FRMD3: variants seen among roughly 807,000 people sequenced by gnomAD.
The protein encoded by FRMD3 is FERM domain containing 3, also known as FERM domain-containing protein 3.
FRMD3 carries 33 observed loss-of-function variants against 70.2 expected under a neutral mutation model. The ratio of observed to expected loss-of-function variants is 0.47; its 90% CI spans 0.36 to 0.63. FRMD3 has a LOEUF of 0.63. Ranked by LOEUF, FRMD3 falls within the 20% of genes least tolerant of loss-of-function variation. The probability of loss-of-function intolerance (pLI) is 0.00; values close to 1 mark genes in which losing one functional copy is unlikely to be tolerated. For missense variants in FRMD3, 632 were observed against 711.4 expected (o/e 0.89, Z 1.27); for synonymous variants, 279 against 255.9 (o/e 1.09, Z -0.86).
intron 13 of FRMD3, among the ~76,000 whole-genome samples, chr9:83,256,760 A>G (rs1329249934): frequency 6.6e-6 from 1 of 152,240 alleles, no homozygotes; most frequent in African/African-American, 2.4e-5. Context: ...CATATGAAAA[A>G]AAAAGCTCAA....
At chr9:83,249,873 A>G (rs1245449711) in intron 13 of FRMD3, among the ~76,000 whole-genome samples, 2 of 152,202 alleles carry the variant, frequency 1.3e-5, no homozygotes, top group Non-Finnish European at 2.9e-5. Flanking sequence ...GGTTCTGGCC[A>G]TTGTGAGAAA....
intron 1 of FRMD3, among the ~76,000 whole-genome samples, chr9:83,509,783 G>A (rs1023550493): frequency 1.1e-4 from 17 of 150,248 alleles, no homozygotes; most frequent in Non-Finnish European, 7.4e-5. Flanking sequence ...ACGCACACGC[G>A]CGCGCACACA....
intron 3 of FRMD3, among the ~76,000 whole-genome samples, chr9:83,359,806 G>T (rs1386436134): frequency 1.3e-5 from 2 of 152,148 alleles, no homozygotes; most frequent in Non-Finnish European, 2.9e-5. Flanking sequence ...CCACAATGAG[G>T]ATGACATGAG....
At chr9:83,264,927 G>T (rs970830703) in intron 13 of FRMD3, among the ~76,000 whole-genome samples, 2 of 151,912 alleles carry the variant, frequency 1.3e-5, no homozygotes, top group East Asian at 3.9e-4. Context: ...AATTTTGAAG[G>T]TCATAAGCAG....
At chr9:83,394,515 T>C (rs909635374) in intron 1 of FRMD3, among the ~76,000 whole-genome samples, 1 of 152,202 alleles carries the variant, frequency 6.6e-6, no homozygotes, top group African/African-American at 2.4e-5. Context: ...AGACAATGTT[T>C]GTAAATATCT....
intron 10 of FRMD3, among the ~76,000 whole-genome samples, chr9:83,306,143 T>C (rs777819806): frequency 6.6e-6 from 1 of 152,190 alleles, no homozygotes; most frequent in African/African-American, 2.4e-5. Flanking sequence ...AGCAAATGAA[T>C]GTCTCCAAGT....
intron 6 of FRMD3, among the ~76,000 whole-genome samples, chr9:83,328,927 T>C (rs1007248981): frequency 2.0e-5 from 3 of 152,242 alleles, no homozygotes; most frequent in Non-Finnish European, 1.5e-5. Context: ...GAATCACATG[T>C]GAGATATAAT....
At chr9:83,576,558 CCA>C in the FRMD3 span, among the ~76,000 whole-genome samples, 1 of 151,916 alleles carries the variant, frequency 6.6e-6, no homozygotes, top group Admixed American at 6.6e-5. Context: ...AGCCTACTAC[CCA>C]CGAGTTATTT....
intron 10 of FRMD3, among the ~76,000 whole-genome samples, chr9:83,307,980 C>G (rs1835203106): frequency 6.6e-6 from 1 of 152,208 alleles, no homozygotes. Context: ...CCTTCCTTAT[C>G]AGTCCCCAAA....
chr9:83,359,262 G>A (rs1038527065), intron 3 of FRMD3, among the ~76,000 whole-genome samples: 3 of 152,188 alleles, frequency 2.0e-5, no homozygotes, highest in African/African-American at 7.2e-5. Context: ...TCTCTTAAGG[G>A]AGATTGGAAT....
intron 1 of FRMD3, among the ~76,000 whole-genome samples, chr9:83,501,395 T>C (rs1333894932): frequency 1.3e-5 from 2 of 152,172 alleles, no homozygotes; most frequent in East Asian, 3.9e-4. Context: ...ACTCCTTATA[T>C]ACATATAAGG....
At chr9:83,324,964 TGCCATGGCACA>T (rs1835953435) in intron 6 of FRMD3, among the ~76,000 whole-genome samples, 1 of 152,216 alleles carries the variant, frequency 6.6e-6, no homozygotes, top group Admixed American at 6.5e-5. Context: ...CTCTCCTGCG[TGCCATGGCACA>T]GCATTTCAAA....
At chr9:83,341,076 A>C (rs1211565796) in intron 5 of FRMD3, among the ~76,000 whole-genome samples, 1 of 151,964 alleles carries the variant, frequency 6.6e-6, no homozygotes, top group Non-Finnish European at 1.5e-5. Context: ...CTTCCCTATT[A>C]CTCTGTAAGA....
chr9:83,467,892 A>G (rs965347186), intron 1 of FRMD3: 32 of 979,808 alleles, frequency 3.3e-5, no homozygotes, highest in Non-Finnish European at 4.3e-5. Flanking sequence ...TTAATTGTTC[A>G]AGAACCTGCT....
At chr9:83,453,232 C>G (rs1321034402) in intron 1 of FRMD3, among the ~76,000 whole-genome samples, 1 of 152,128 alleles carries the variant, frequency 6.6e-6, no homozygotes, top group Non-Finnish European at 1.5e-5. Flanking sequence ...CTGAAACACT[C>G]ATTCAAAAAA....
intron 6 of FRMD3, among the ~76,000 whole-genome samples, chr9:83,328,982 T>C (rs1428982681): frequency 3.3e-5 from 5 of 152,210 alleles, no homozygotes; most frequent in Non-Finnish European, 5.9e-5. Flanking sequence ...TTCAATAATA[T>C]AACCCTCTCT....
chr9:83,325,287 A>G (rs10780591), intron 6 of FRMD3, among the ~76,000 whole-genome samples: 68,530 of 151,972 alleles, frequency 0.45, 16,038 homozygotes, highest in African/African-American at 0.59. Flanking sequence ...TAACAAAATG[A>G]CACTTATACT....
At chr9:83,377,810 T>C (rs748564404) in intron 2 of FRMD3, among the ~76,000 whole-genome samples, 15 of 152,078 alleles carry the variant, frequency 9.9e-5, no homozygotes, top group Non-Finnish European at 1.0e-4. Context: ...TATTTCTTCA[T>C]AGCAATGCAG....
At chr9:83,454,525 G>A (rs772218403) in intron 1 of FRMD3, among the ~76,000 whole-genome samples, 9 of 152,212 alleles carry the variant, frequency 5.9e-5, no homozygotes, top group Non-Finnish European at 1.0e-4. Context: ...CCATGAAAAG[G>A]CCTTTTGCAA....
Sources: allele counts gnomAD v4.1 joint callset (sites outside exome capture counted in the v4.1 genomes callset), GRCh38; gene constraint gnomAD v4.1.1; transcripts MANE v1.5; gene names NCBI Gene and HGNC (gene_info 2026-07-23, HGNC 2026-07-21).